Variants in PAK3 observed in about 807,000 individuals in gnomAD.
PAK3 encodes the protein p21 (RAC1) activated kinase 3, also known as serine/threonine-protein kinase PAK 3.
In PAK3, 4 loss-of-function variants were observed where a neutral mutation model predicts 41.0. That is an observed-to-expected ratio of 0.10 (90% CI 0.05 to 0.22). PAK3 has a LOEUF of 0.22. Ranked by LOEUF, PAK3 falls within the 10% of genes least tolerant of loss-of-function variation. The probability of loss-of-function intolerance (pLI) is 1.00; values close to 1 mark genes in which losing one functional copy is unlikely to be tolerated. For synonymous variants in PAK3, 146 were observed against 139.6 expected (o/e 1.05, Z -0.32); for missense variants, 205 against 409.9 (o/e 0.50, Z 4.32).
intron 1 of PAK3, among the ~76,000 whole-genome samples, chrX:111,024,029 C>T (rs1054896146): frequency 7.2e-4 from 80 of 111,806 alleles, no homozygotes; most frequent in Admixed American, 5.0e-3. Context: ...GGTGTTAGGT[C>T]TTACATTTAA....
chrX:111,180,294 T>C (rs754365453), intron 11 of PAK3, among the ~76,000 whole-genome samples: 1 of 111,698 alleles, frequency 9.0e-6, no homozygotes, highest in South Asian at 3.7e-4. Context: ...ACTGCATTAG[T>C]TTTGACAGAG....
In PAK3 at chrX:111,032,831, G is replaced by A. The variant is rs1384138263; in HGVS notation, c.-28+88203G>A. 1.8e-4 allele frequency among the ~76,000 whole-genome samples: 20 copies of A among 110,590 alleles called. No individual in the cohort carries two copies. In the Admixed American group the frequency reaches 1.8e-3, roughly 10 times the overall value. Reference sequence around the variant, plus strand: ...GGCCCTAATGAGGTAGGGTCTTAATGAGCCAGATCTTCCTCCTTGTCCTCT... The same window carrying A: ...GGCCCTAATGAGGTAGGGTCTTAATAAGCCAGATCTTCCTCCTTGTCCTCT... On this transcript the variant is annotated intron_variant, in intron 1 of 14. Coordinates refer to the PAK3 transcript ENST00000425146.
At chrX:111,057,127 C>G (rs1368546533) in intron 1 of PAK3, among the ~76,000 whole-genome samples, 1 of 110,940 alleles carries the variant, frequency 9.0e-6, no homozygotes, top group Admixed American at 9.6e-5. Flanking sequence ...AAAAAACAAA[C>G]AATCCCATCA....
chrX:110,983,972 A>T (rs1215866754), intron 1 of PAK3, among the ~76,000 whole-genome samples: 1 of 111,615 alleles, frequency 9.0e-6, no homozygotes, highest in East Asian at 2.8e-4. Flanking sequence ...TACCTTGAAA[A>T]TATTTACTGA....
upstream of PAK3, among the ~76,000 whole-genome samples, chrX:111,094,389 A>T (rs1057124275): frequency 1.9e-4 from 21 of 111,687 alleles, no homozygotes; most frequent in Non-Finnish European, 5.6e-5. Flanking sequence ...ACTCATTTCG[A>T]TACAAATCCC....
rs754259913 is a variant in PAK3, at chrX:111,225,167, C to T, written c.*4720C>T. The stretch of plus-strand genomic sequence containing the variant: ...ATATTTCTCCTATGAAAGAATTTTT[C>T]GTAGAAGATTTGTTTTTGATATAAT... On this transcript the variant is annotated 3_prime_UTR_variant, in exon 18 of 18. Coordinates refer to ENST00000372007, the MANE Select transcript of PAK3 (RefSeq NM_002578.5). 1 of 112,170 alleles carries T rather than the reference C, an allele frequency of 8.9e-6. No individual in the cohort carries two copies. The highest frequency in any genetic ancestry group is 3.2e-5 in the African/African-American group (1 of 30,917). 9.2% of individuals were successfully genotyped at this position (112,170 alleles called of 1,213,427 possible).
At chrX:110,983,863 C>T (rs1454596561) in intron 1 of PAK3, among the ~76,000 whole-genome samples, 1 of 111,620 alleles carries the variant, frequency 9.0e-6, no homozygotes, top group African/African-American at 3.3e-5. Flanking sequence ...ATGGCACTAC[C>T]GCTCACCTGG....
chrX:111,153,581 A>G (rs1355384180), intron 8 of PAK3, among the ~76,000 whole-genome samples: 1 of 111,692 alleles, frequency 9.0e-6, no homozygotes, highest in African/African-American at 3.3e-5. Flanking sequence ...CATTTATTCA[A>G]ACAGTCATGG....
intron 1 of PAK3, among the ~76,000 whole-genome samples, chrX:111,036,421 G>T (rs775799890): frequency 3.6e-5 from 4 of 112,401 alleles, no homozygotes; most frequent in Non-Finnish European, 7.5e-5. Flanking sequence ...GGCTGGGAAG[G>T]CCTCAAGAAA....
chrX:111,020,499 G>T (rs1425126347), intron 1 of PAK3, among the ~76,000 whole-genome samples: 1 of 111,462 alleles, frequency 9.0e-6, no homozygotes, highest in African/African-American at 3.3e-5. Context: ...CAATGTGAAT[G>T]TAGGCCTGAG....
intron 1 of PAK3, among the ~76,000 whole-genome samples, chrX:111,006,812 CCTTTCTTT>C (rs1275739344): frequency 3.6e-5 from 2 of 54,994 alleles, no homozygotes; most frequent in African/African-American, 1.1e-4. Context: ...TCTGCATTTC[CCTTTCTTT>C]CTTTCTTTCT....
chrX:111,143,508 T>A (rs1384052207), intron 6 of PAK3, among the ~76,000 whole-genome samples: 1 of 110,910 alleles, frequency 9.0e-6, no homozygotes, highest in African/African-American at 3.3e-5. Context: ...ATTTAACCAA[T>A]TTCATCATTA....
At chrX:111,133,413 G>A (rs1433921539) in intron 5 of PAK3, among the ~76,000 whole-genome samples, 1 of 111,892 alleles carries the variant, frequency 8.9e-6, no homozygotes, top group African/African-American at 3.2e-5. Context: ...CTTTTGACAT[G>A]CTACTATCCT....
intron 1 of PAK3, among the ~76,000 whole-genome samples, chrX:110,988,734 G>C (rs1239564140): frequency 8.9e-6 from 1 of 111,900 alleles, no homozygotes; most frequent in Non-Finnish European, 1.9e-5. Flanking sequence ...CAGAGTTGGT[G>C]GTTCTCTAAT....
chrX:110,949,943 C>A (rs1014197654), intron 1 of PAK3, among the ~76,000 whole-genome samples: 1 of 111,339 alleles, frequency 9.0e-6, no homozygotes, highest in Non-Finnish European at 1.9e-5. Context: ...AATGAGACAA[C>A]TCTTTCACTT....
intron 11 of PAK3, among the ~76,000 whole-genome samples, chrX:111,175,013 A>G (rs1389840289): frequency 9.0e-6 from 1 of 111,728 alleles, no homozygotes; most frequent in Non-Finnish European, 1.9e-5. Flanking sequence ...CCAAGTCTAT[A>G]TACAGACCTC....
intron 1 of PAK3, among the ~76,000 whole-genome samples, chrX:111,018,634 T>C (rs2092125769): frequency 2.7e-5 from 3 of 111,900 alleles, no homozygotes; most frequent in Admixed American, 1.9e-4. Flanking sequence ...TGCTCTTAGA[T>C]TGAAAGACTT....
intron 16 of PAK3, among the ~76,000 whole-genome samples, chrX:111,205,687 A>G (rs1379285708): frequency 9.0e-6 from 1 of 111,392 alleles, no homozygotes; most frequent in East Asian, 2.8e-4. Context: ...CAGGGACACA[A>G]GGTTCCTCAC....
rs2094920828 is a variant in PAK3 at position 111,220,666 on chromosome X, A to C, written c.*219A>C. 2 of 419,079 alleles carry C rather than the reference A, an allele frequency of 4.8e-6. No individual in the cohort carries two copies. The highest frequency in any genetic ancestry group is 6.6e-4 in the Middle Eastern group (1 of 1,518). The allele number at this position is 419,079 out of a possible 1,213,427, so 34.5% of individuals were successfully genotyped here. On this transcript the variant is annotated 3_prime_UTR_variant, in exon 18 of 18. Coordinates refer to ENST00000372007, the MANE Select transcript of PAK3 (RefSeq NM_002578.5). ...CAAACAGGGCAGCAATGTTGAAGTGACCATAAAGTGGTCACTTCCACCGTG... is the reference window on the plus strand; with the variant it reads ...CAAACAGGGCAGCAATGTTGAAGTGCCCATAAAGTGGTCACTTCCACCGTG...
Sources: gnomAD v4.1 joint callset for allele counts (sites outside exome capture counted in the v4.1 genomes callset) on GRCh38, gnomAD v4.1.1 for gene constraint, MANE v1.5 for transcripts, NCBI Gene and HGNC (gene_info 2026-07-23, HGNC 2026-07-21) for gene names.